Variants in TMEM71 observed in about 807,000 individuals in gnomAD.
The protein encoded by TMEM71 is transmembrane protein 71.
Under a neutral mutation model 38.0 loss-of-function variants are expected in TMEM71, and 44 were observed. That is an observed-to-expected ratio of 1.16 (90% CI 0.91 to 1.49). The LOEUF (loss-of-function observed/expected upper bound fraction) is 1.49, where lower values mean the gene tolerates loss of function less well. Ranked by LOEUF, TMEM71 falls within the 40% of genes most tolerant of loss-of-function variation. TMEM71 has a pLI of 0.00. For missense variants in TMEM71, 367 were observed against 348.6 expected (o/e 1.05, Z -0.42); for synonymous variants, 133 against 122.5 (o/e 1.09, Z -0.56).
intron 6 of TMEM71, among the ~76,000 whole-genome samples, chr8:132,727,502 C>T (rs372951322): frequency 1.4e-4 from 22 of 152,234 alleles, no homozygotes; most frequent in Admixed American, 4.6e-4. Flanking sequence ...GTGATCCGCC[C>T]GCCTCGGCCT....
chr8:132,710,641 C>A lies in TMEM71; in HGVS notation c.*326G>T. 1 of 487,320 alleles carries A rather than the reference C, an allele frequency of 2.1e-6. No individual in the cohort carries two copies. The highest frequency in any genetic ancestry group is 3.6e-6 in the Non-Finnish European group (1 of 281,218). 30.2% of individuals were successfully genotyped at this position (487,320 alleles called of 1,614,324 possible). On this transcript the variant is annotated 3_prime_UTR_variant, in exon 10 of 10. Transcript: ENST00000677595. ...CTCACAGAATTTCCTAATGAAAATT[C>A]AAGCTCGAGAACCACTGCCTTAAAG...
At chr8:132,768,207 C>T in the TMEM71 span, among the ~76,000 whole-genome samples, 4 of 152,246 alleles carry the variant, frequency 2.6e-5, no homozygotes, top group Admixed American at 1.3e-4. Flanking sequence ...ATGCTTTGTC[C>T]TGCTTTTTAG....
intron 5 of TMEM71, among the ~76,000 whole-genome samples, chr8:132,741,597 C>T (rs1001278025): frequency 4.0e-5 from 6 of 151,024 alleles, no homozygotes; most frequent in African/African-American, 7.3e-5. Context: ...GCCTGGCAGC[C>T]GAGGCAGAGA....
At chr8:132,757,585 G>C (rs1489771034) in intron 2 of TMEM71, among the ~76,000 whole-genome samples, 2 of 152,014 alleles carry the variant, frequency 1.3e-5, no homozygotes, top group Admixed American at 1.3e-4. Flanking sequence ...TCAGAATTTG[G>C]GAGACCGAGG....
chr8:132,712,429 T>C lies in TMEM71; in HGVS notation c.873-1447A>G, dbSNP rs12056721. On this transcript the variant is annotated intron_variant, in intron 9 of 9. Transcript: ENST00000677595. ...AGAAAACAGCAGGTGATATAACCCCTGCAGATCGGATATTGGCTCTTCCAG... is the reference window on the plus strand; with the variant it reads ...AGAAAACAGCAGGTGATATAACCCCCGCAGATCGGATATTGGCTCTTCCAG... Among the ~76,000 whole-genome samples, 375 of 152,284 alleles carry C rather than the reference T, an allele frequency of 2.5e-3. 8 individuals carry two copies. In the East Asian group the frequency reaches 0.061, roughly 25 times the overall value.
intron 4 of TMEM71, among the ~76,000 whole-genome samples, chr8:132,750,022 AAAAG>A (rs1554619430): frequency 4.0e-5 from 6 of 151,080 alleles, no homozygotes; most frequent in African/African-American, 1.2e-4. Context: ...CAAAAAAAAA[AAAAG>A]AAAGAAAGAA....
chr8:132,721,869 T>C (rs1466437048), intron 7 of TMEM71, among the ~76,000 whole-genome samples, 171 bp downstream of exon 7: 1 of 152,066 alleles, frequency 6.6e-6, no homozygotes, highest in East Asian at 1.9e-4. Flanking sequence ...TGTGAGAGGA[T>C]AGAGGTGGGC....
intron 3 of TMEM71, among the ~76,000 whole-genome samples, chr8:132,754,072 C>G (rs772084951): frequency 9.2e-5 from 14 of 152,110 alleles, no homozygotes; most frequent in Non-Finnish European, 1.9e-4. Context: ...GAGTATTCTC[C>G]ACTTTTTAGA....
At chr8:132,719,835 A>G (rs1826742988) in intron 7 of TMEM71, among the ~76,000 whole-genome samples, 2 of 152,152 alleles carry the variant, frequency 1.3e-5, no homozygotes, top group African/African-American at 2.4e-5. Context: ...CAACACTGGT[A>G]CATTACTATG....
intron 7 of TMEM71, among the ~76,000 whole-genome samples, chr8:132,719,936 A>G (rs1176449369): frequency 6.6e-6 from 1 of 152,146 alleles, no homozygotes; most frequent in East Asian, 1.9e-4. Context: ...TGCGTCTGCT[A>G]GGCTCCTCTG....
intron 6 of TMEM71, among the ~76,000 whole-genome samples, chr8:132,724,342 CA>C: frequency 6.6e-6 from 1 of 152,142 alleles, no homozygotes; most frequent in Non-Finnish European, 1.5e-5. Context: ...CAGACACTCC[CA>C]GAGCAGCCGT....
At chr8:132,725,653 C>T (rs752990390) in intron 6 of TMEM71, among the ~76,000 whole-genome samples, 1 of 152,136 alleles carries the variant, frequency 6.6e-6, no homozygotes, top group Admixed American at 6.5e-5. Flanking sequence ...AGATGGAGAC[C>T]TTGTCCACCC....
chr8:132,720,223 C>A (rs11992433), intron 7 of TMEM71, among the ~76,000 whole-genome samples: 3 of 152,142 alleles, frequency 2.0e-5, no homozygotes, highest in African/African-American at 7.2e-5. Context: ...TTTCTTACCC[C>A]CTTCCTTACT....
intron 4 of TMEM71, among the ~76,000 whole-genome samples, chr8:132,750,064 C>G (rs924224239): frequency 2.0e-5 from 3 of 150,744 alleles, no homozygotes; most frequent in African/African-American, 7.3e-5. Flanking sequence ...GAAATAAAAT[C>G]TGGTTTGTTT....
chr8:132,719,279 A>G (rs972747780), intron 7 of TMEM71, among the ~76,000 whole-genome samples: 4 of 152,208 alleles, frequency 2.6e-5, no homozygotes, highest in African/African-American at 9.6e-5. Context: ...GAGCATCTCT[A>G]AATAAAAAAT....
intron 3 of TMEM71, among the ~76,000 whole-genome samples, chr8:132,755,041 T>A (rs928471297): frequency 6.6e-6 from 1 of 152,178 alleles, no homozygotes; most frequent in Admixed American, 6.5e-5. Flanking sequence ...CCTACTCTAG[T>A]GCTCTTTCTT....
intron 6 of TMEM71, among the ~76,000 whole-genome samples, chr8:132,723,486 G>A (rs1375658018): frequency 6.6e-6 from 1 of 152,098 alleles, no homozygotes; most frequent in Non-Finnish European, 1.5e-5. Context: ...CTCAGCTCAG[G>A]TGTAACCTCC....
At chr8:132,775,552 G>GGAGGCA in the TMEM71 span, 1 of 365,980 alleles carries the variant, frequency 2.7e-6, no homozygotes, top group Non-Finnish European at 4.9e-6. Flanking sequence ...CTGCCTGGGC[G>GGAGGCA]GAGGCAGAGG....
In TMEM71 at chr8:132,727,785, C is replaced by T. The variant is rs148396022; in HGVS notation, c.676+13G>A. ...CTTTGGGTGTGGCAAATATTTAAAA[C>T]ACCTGAACTCACCTGAATGATCCGA... On this transcript the variant is annotated intron_variant, in intron 6 of 9. Coordinates refer to ENST00000677595, the MANE Select transcript of TMEM71 (RefSeq NM_001382403.1). The T allele has an allele frequency of 5.7e-4, 907 of 1,582,708 alleles. 3 individuals carry two copies. In the African/African-American group the frequency reaches 0.01, roughly 18 times the overall value.
Sources: allele counts gnomAD v4.1 joint callset (sites outside exome capture counted in the v4.1 genomes callset), GRCh38; gene constraint gnomAD v4.1.1; transcripts MANE v1.5; gene names NCBI Gene and HGNC (gene_info 2026-07-23, HGNC 2026-07-21).